The following ENOX1 variants were observed in gnomAD, a reference collection of about 807,000 sequenced individuals.
ENOX1 encodes candidate growth-related and time keeping constitutive hydroquinone (NADH) oxidase.
A neutral mutation model predicts 82.5 loss-of-function variants in ENOX1; 42 were observed. That is an observed-to-expected ratio of 0.51 (90% confidence interval 0.40 to 0.66). ENOX1 has a LOEUF of 0.66. Among genes scored for constraint, ENOX1 ranks in the 30% least tolerant of loss-of-function variants. The pLI, the probability that ENOX1 is intolerant of heterozygous loss-of-function variation, is 0.00. For missense variants in ENOX1, 608 were observed against 811.6 expected (o/e 0.75, Z 3.05); for synonymous variants, 271 against 282.2 (o/e 0.96, Z 0.40).
At chr13:43,384,743 G>T (rs547149438) in intron 5 of ENOX1, among the ~76,000 whole-genome samples, 6 of 152,326 alleles carry the variant, frequency 3.9e-5, no homozygotes, top group South Asian at 2.1e-4. Context: ...ACTATTAAAA[G>T]AATAGTCTTA....
At chr13:43,274,734 A>G (rs756736195) in intron 12 of ENOX1, among the ~76,000 whole-genome samples, 2 of 152,254 alleles carry the variant, frequency 1.3e-5, no homozygotes, top group Non-Finnish European at 2.9e-5. Context: ...ACAATTATCC[A>G]TATGCCAATC....
intron 2 of ENOX1, among the ~76,000 whole-genome samples, chr13:43,576,735 T>C (rs1263157295): frequency 6.6e-6 from 1 of 152,170 alleles, no homozygotes; most frequent in African/African-American, 2.4e-5. Context: ...AACTAATAAA[T>C]GTGGCTTCCA....
At chr13:43,348,167 C>A (rs1308917244) in intron 8 of ENOX1, among the ~76,000 whole-genome samples, 1 of 152,178 alleles carries the variant, frequency 6.6e-6, no homozygotes, top group African/African-American at 2.4e-5. Context: ...CAAGATTCAG[C>A]GTAAGTGCCC....
intron 11 of ENOX1, among the ~76,000 whole-genome samples, chr13:43,317,640 T>G (rs559312866): frequency 6.6e-6 from 1 of 152,038 alleles, no homozygotes; most frequent in African/African-American, 2.4e-5. Context: ...AACCTAATTA[T>G]GAGTTCCTAA....
At chr13:43,774,602 T>C (rs1470673460) in intron 1 of ENOX1, among the ~76,000 whole-genome samples, 1 of 152,180 alleles carries the variant, frequency 6.6e-6, no homozygotes, top group Non-Finnish European at 1.5e-5. Flanking sequence ...TTCTTTTCCA[T>C]TGTCAGTTCA....
intron 8 of ENOX1, among the ~76,000 whole-genome samples, chr13:43,348,070 C>T (rs940569870): frequency 2.0e-5 from 3 of 152,194 alleles, no homozygotes; most frequent in Non-Finnish European, 2.9e-5. Context: ...AACAGCACGG[C>T]GTGCCTCCCT....
Position 43,617,632 on chromosome 13 carries a change from T to C in ENOX1, c.-219+49847A>G, listed in dbSNP as rs115730952. Among the ~76,000 whole-genome samples the C allele has an allele frequency of 6.8e-3, 1,034 of 152,320 alleles. 9 individuals carry two copies. The highest frequency in any genetic ancestry group is 0.024 in the African/African-American group (1,001 of 41,580). Reference sequence around the variant, plus strand: ...CTTTATCCACTTGTTGACTGACAGGTATTTGGGCTGGTTCCACAATTTCGC... The same window carrying C: ...CTTTATCCACTTGTTGACTGACAGGCATTTGGGCTGGTTCCACAATTTCGC... On this transcript the variant is annotated intron_variant, in intron 2 of 16. Transcript: ENST00000690772.
intron 3 of ENOX1, among the ~76,000 whole-genome samples, chr13:43,480,063 A>C (rs2058450448): frequency 6.6e-6 from 1 of 151,862 alleles, no homozygotes; most frequent in African/African-American, 2.4e-5. Flanking sequence ...AGCCTCCTGA[A>C]GTAGCTGGGA....
intron 1 of ENOX1, among the ~76,000 whole-genome samples, chr13:43,672,652 C>T (rs2085324263): frequency 6.6e-6 from 1 of 152,112 alleles, no homozygotes; most frequent in South Asian, 2.1e-4. Flanking sequence ...ATCTGCATAT[C>T]GTGAGACCTA....
At chr13:43,260,543 C>T (rs2043997068) in intron 14 of ENOX1, among the ~76,000 whole-genome samples, 1 of 152,132 alleles carries the variant, frequency 6.6e-6, no homozygotes, top group Non-Finnish European at 1.5e-5. Context: ...GCATTTCATT[C>T]CTCCTACCTG....
chr13:43,532,712 G>A (rs1378143136), intron 2 of ENOX1, among the ~76,000 whole-genome samples: 2 of 151,994 alleles, frequency 1.3e-5, no homozygotes, highest in East Asian at 1.9e-4. Context: ...ATGCAGCTAC[G>A]AGGATCCAAA....
chr13:43,445,294 T>G (rs1419426052), intron 3 of ENOX1, among the ~76,000 whole-genome samples: 1 of 151,972 alleles, frequency 6.6e-6, no homozygotes, highest in African/African-American at 2.4e-5. Context: ...TGGCTAATTT[T>G]TTGTATTTTT....
intron 11 of ENOX1, among the ~76,000 whole-genome samples, chr13:43,299,833 C>T (rs1244623839): frequency 6.6e-6 from 1 of 152,144 alleles, no homozygotes; most frequent in Non-Finnish European, 1.5e-5. Flanking sequence ...GAGCCCACTG[C>T]ACACCAGGTC....
chr13:43,547,995 G>C (rs1285488294), intron 2 of ENOX1: 2 of 152,190 alleles, frequency 1.3e-5, no homozygotes, highest in African/African-American at 2.4e-5. Context: ...AGAGTGGCTA[G>C]AGAGTATATG....
At chr13:43,386,716 G>A (rs1441679335) in intron 5 of ENOX1, among the ~76,000 whole-genome samples, 1 of 152,202 alleles carries the variant, frequency 6.6e-6, no homozygotes, top group Non-Finnish European at 1.5e-5. Context: ...GAATATGATT[G>A]TCTTGGGGAT....
In ENOX1 at chr13:43,356,014, C is replaced by T. The variant is rs779420488; in HGVS notation, c.728G>A (p.Arg243His). Reference sequence around the variant, plus strand: ...CCTGAGCCGGTCCTCCTCCAGCTTGCGCCGGTGCCGCTCCTCCCGGGCACG... The same window carrying T: ...CCTGAGCCGGTCCTCCTCCAGCTTGTGCCGGTGCCGCTCCTCCCGGGCACG... Reference protein sequence around the residue: ...RMRAREERHRRKLEEDRLRPP... With the variant: ...RMRAREERHRHKLEEDRLRPP... The change falls in exon 8 of 17, where the codon CGC becomes CAC. Residue 243 changes from arginine to histidine, a missense_variant. Transcript: ENST00000690772. 6.8e-6 allele frequency: 11 copies of T among 1,613,914 alleles called. No individual in the cohort carries two copies. The highest frequency in any genetic ancestry group is 5.5e-5 in the South Asian group (5 of 91,082).
At chr13:43,237,064 T>A (rs1470046486) in intron 14 of ENOX1, among the ~76,000 whole-genome samples, 1 of 152,240 alleles carries the variant, frequency 6.6e-6, no homozygotes, top group Non-Finnish European at 1.5e-5. Context: ...TTTAACATGT[T>A]TTATTTCAAA....
intron 1 of ENOX1, among the ~76,000 whole-genome samples, chr13:43,705,650 A>G (rs2087229368): frequency 6.6e-6 from 1 of 152,064 alleles, no homozygotes; most frequent in South Asian, 2.1e-4. Context: ...AAGCTCAAGA[A>G]TTTTAACATA....
At chr13:43,399,035 C>T (rs2053333080) in intron 5 of ENOX1, among the ~76,000 whole-genome samples, 1 of 151,956 alleles carries the variant, frequency 6.6e-6, no homozygotes, top group African/African-American at 2.4e-5. Context: ...CTCAAGCAAT[C>T]CACCTGTCTC....
Sources: gnomAD v4.1 joint callset for allele counts (sites outside exome capture counted in the v4.1 genomes callset) on GRCh38, gnomAD v4.1.1 for gene constraint, MANE v1.5 for transcripts, NCBI Gene and HGNC (gene_info 2026-07-23, HGNC 2026-07-21) for gene names.